The following AURKA variants were observed in gnomAD, a reference collection of about 807,000 sequenced individuals.
The protein encoded by AURKA is aurora kinase A, also known as aurora 2.
AURKA carries 12 observed loss-of-function variants against 40.9 expected under a neutral mutation model. That is an observed-to-expected ratio of 0.29 (90% confidence interval 0.19 to 0.48). The LOEUF is 0.48. Among genes scored for constraint, AURKA ranks in the 20% least tolerant of loss-of-function variants. The pLI, the probability that AURKA is intolerant of heterozygous loss-of-function variation, is 0.99. For synonymous variants in AURKA, 170 were observed against 164.3 expected, an observed-to-expected ratio of 1.03 and a Z score of -0.26; for missense variants, 322 against 462.1, an observed-to-expected ratio of 0.70 and a Z score of 2.78.
At position 56,383,205 on chromosome 20, in the gene AURKA, T is replaced by G. The variant is rs780921135; in HGVS notation, c.375-29A>C. 3.1e-6 allele frequency: 5 copies of G among 1,611,734 alleles called. No homozygotes were observed. In the South Asian group the frequency reaches 5.5e-5, roughly 18 times the overall value. The stretch of plus-strand genomic sequence containing the variant: ...GGAGGAATTTGAACACTTTAGAATG[T>G]GAAGAAAACAAAGCTTTTCTAACAA... On this transcript the variant is annotated intron_variant, in intron 4 of 8. Transcript: ENST00000395915.
At chr20:56,381,113 T>A (rs1034804083) in intron 6 of AURKA, among the ~76,000 whole-genome samples, 32 of 151,962 alleles carry the variant, frequency 2.1e-4, no homozygotes, top group African/African-American at 7.7e-4. Flanking sequence ...TTAAAAAAAA[T>A]AAAATAAAAT....
chr20:56,391,121 A>T (rs1190993506), intron 1 of AURKA, among the ~76,000 whole-genome samples: 3 of 152,222 alleles, frequency 2.0e-5, no homozygotes, highest in African/African-American at 7.2e-5. Flanking sequence ...TTCAGTTCAA[A>T]CCAGAAGTCC....
In AURKA at chr20:56,386,240, C is replaced by A. The variant is rs372168484; in HGVS notation, c.319+17G>T. ...GACAAAGAAGGACTATCCAATGAGT[C>A]TCAAAAGCTAGTTTACCAGGTGCCG... is the stretch of plus-strand genomic sequence containing the variant. On this transcript the variant is annotated intron_variant, in intron 3 of 8. Coordinates refer to ENST00000395915, the MANE Select transcript of AURKA (RefSeq NM_198437.3). The A allele has an allele frequency of 6.2e-7, 1 of 1,614,184 alleles. No homozygotes were observed.
chr20:56,370,985 C>CTGCATG (rs1984092111), intron 7 of AURKA, among the ~76,000 whole-genome samples: 1 of 152,180 alleles, frequency 6.6e-6, no homozygotes, highest in Admixed American at 6.5e-5. Context: ...GATTCTACAT[C>CTGCATG]TGCATGTGGA....
At position 56,373,504 on chromosome 20, in the gene AURKA, A is replaced by C; in HGVS notation, c.758T>G (p.Ile253Ser). The C allele has an allele frequency of 6.2e-7, 1 of 1,614,224 alleles. No individual in the cohort carries two copies. ...ALSYCHSKRV[I>S]HRDIKPENLL... The stretch of plus-strand genomic sequence containing the variant: ...GTTCTCTGGCTTAATGTCTCTATGA[A>C]TAACTCTCTTCGAATGACAGTAAGA... Residue 253 changes from isoleucine (I) to serine (S), a missense_variant, in exon 7 of 9, where the codon ATT becomes AGT. By Grantham distance (142) the Ile-to-Ser change is moderately radical. Coordinates refer to ENST00000395915, the MANE Select transcript of AURKA (RefSeq NM_198437.3). The surrounding 1 kb of genome is among the most constrained non-coding windows in gnomAD (Gnocchi z 5.0).
At chr20:56,383,341 G>A (rs894595188) in intron 4 of AURKA, among the ~76,000 whole-genome samples, 165 bp from the exon 5 acceptor site, 3 of 152,150 alleles carry the variant, frequency 2.0e-5, no homozygotes, top group African/African-American at 4.8e-5. Context: ...GAGCTGCCAC[G>A]ACATGAAACC....
At chr20:56,386,830 A>T (rs1986436189) in intron 2 of AURKA, among the ~76,000 whole-genome samples, 1 of 152,230 alleles carries the variant, frequency 6.6e-6, no homozygotes, top group Non-Finnish European at 1.5e-5. Context: ...ATTTGGAAAT[A>T]GACACTACAT....
chr20:56,372,102 CTG>C (rs1984322051), intron 7 of AURKA, among the ~76,000 whole-genome samples: 1 of 152,196 alleles, frequency 6.6e-6, no homozygotes, highest in South Asian at 2.1e-4. Context: ...CCAGAACAGT[CTG>C]TGTGGGTTCG....
chr20:56,378,239 G>A (rs1206769390), intron 6 of AURKA, among the ~76,000 whole-genome samples: 7 of 152,090 alleles, frequency 4.6e-5, no homozygotes, highest in Non-Finnish European at 7.4e-5. Context: ...CATTGGTTCC[G>A]ATACCACATT....
intron 6 of AURKA, among the ~76,000 whole-genome samples, chr20:56,374,428 A>C (rs1352102860): frequency 6.6e-6 from 1 of 152,226 alleles, no homozygotes; most frequent in Admixed American, 6.5e-5. Context: ...TTTAAAGCTA[A>C]AAATTTACTT....
chr20:56,370,645 C>G lies in AURKA; in HGVS notation c.869G>C (p.Cys290Ser). 6.2e-7 allele frequency: 1 copy of G among 1,614,216 alleles called. No homozygotes were observed. Among genetic ancestry groups the G allele is most frequent in the Non-Finnish European group, 8.5e-7 (1 of 1,180,026 alleles). The change falls in exon 8 of 9, where the codon TGT becomes TCT. Residue 290 changes from cysteine (C) to serine (S), a missense_variant. By Grantham distance (112) the Cys-to-Ser change is moderately radical (BLOSUM62 -1). Coordinates refer to ENST00000395915, the MANE Select transcript of AURKA (RefSeq NM_198437.3). ...HAPSSRRTTL[C>S]GTLDYLPPEM... ...AGGGGGCAGGTAGTCCAGGGTGCCA[C>G]AGAGAGTGGTCCTCCTGAAAACGGA...
intron 7 of AURKA, among the ~76,000 whole-genome samples, chr20:56,372,381 T>C (rs1256023066): frequency 1.3e-5 from 2 of 152,164 alleles, no homozygotes; most frequent in Non-Finnish European, 1.5e-5. Context: ...CTATCGGTTA[T>C]GTAAGTAATC....
chr20:56,379,786 A>T (rs976023781), intron 6 of AURKA, among the ~76,000 whole-genome samples: 1 of 151,256 alleles, frequency 6.6e-6, no homozygotes, highest in African/African-American at 2.4e-5. Flanking sequence ...ACATGGCAAA[A>T]CCCCATCTCT....
At position 56,370,199 on chromosome 20, in the gene AURKA, A is replaced by T. The variant is rs376893456; in HGVS notation, c.1171T>A (p.Ser391Thr). The T allele has an allele frequency of 1.2e-6, 2 of 1,613,450 alleles. No homozygotes were observed. Among genetic ancestry groups the T allele is most frequent in the East Asian group, 2.2e-5 (1 of 44,884 alleles). ...PWITANSSKPSNCQNKESASK... is the reference protein window; with the variant it reads ...PWITANSSKPTNCQNKESASK... Reference sequence around the variant, plus strand: ...GCTGATTCTTTGTTTTGGCAATTTGATGGTTTTGATGAATTTGCTGTGATC... The same window carrying T: ...GCTGATTCTTTGTTTTGGCAATTTGTTGGTTTTGATGAATTTGCTGTGATC... Residue 391 changes from serine (S) to threonine (T), a missense_variant, in exon 9 of 9, where the codon TCA (serine) becomes ACA (threonine). Coordinates refer to ENST00000395915, the MANE Select transcript of AURKA (RefSeq NM_198437.3).
intron 6 of AURKA, among the ~76,000 whole-genome samples, chr20:56,381,074 C>T (rs1020167243): frequency 1.3e-5 from 2 of 151,830 alleles, no homozygotes; most frequent in African/African-American, 4.8e-5. Flanking sequence ...TTGAGTCCAG[C>T]CTGGGCAACA....
intron 8 of AURKA, 43 bp downstream of exon 8, chr20:56,370,442 G>C (rs770328674): frequency 1.5e-5 from 25 of 1,613,962 alleles, no homozygotes; most frequent in Non-Finnish European, 2.1e-5. Flanking sequence ...GATAAGGAAA[G>C]AATTCCAGCA....
chr20:56,386,174 C>T (rs945781658), intron 3 of AURKA, 83 bp downstream of exon 3: 6 of 1,562,510 alleles, frequency 3.8e-6, no homozygotes, highest in Non-Finnish European at 1.8e-6. Flanking sequence ...AGGCTCCAAA[C>T]AATAAGTGCA....
At chr20:56,383,328 A>G in intron 4 of AURKA, 152 bp from the exon 5 acceptor site, 2 of 829,452 alleles carry the variant, frequency 2.4e-6, no homozygotes, top group Non-Finnish European at 3.9e-6. Context: ...AACCACTATC[A>G]AAGAGCTGCC....
intron 4 of AURKA, 126 bp from the exon 5 acceptor site, chr20:56,383,302 C>A: frequency 9.9e-7 from 1 of 1,007,018 alleles, no homozygotes; most frequent in Non-Finnish European, 1.5e-6. Context: ...GCATCCTCAG[C>A]AAGAACCAAG....
Sources: gnomAD v4.1 joint callset for allele counts (sites outside exome capture counted in the v4.1 genomes callset) on GRCh38, gnomAD v4.1.1 for gene constraint, Gnocchi (gnomAD v3.1) non-coding constraint, MANE v1.5 for transcripts, NCBI Gene and HGNC (gene_info 2026-07-23, HGNC 2026-07-21) for gene names.